RGL1: variants seen among roughly 807,000 people sequenced by gnomAD.
RGL1 encodes ral guanine nucleotide dissociation stimulator like 1, also known as ral guanine nucleotide dissociation stimulator-like 1.
RGL1 carries 24 observed loss-of-function variants against 95.2 expected under a neutral mutation model. That is an observed-to-expected ratio of 0.25 (90% CI 0.18 to 0.35). The LOEUF (loss-of-function observed/expected upper bound fraction) is 0.35, where lower values mean the gene tolerates loss of function less well. Among genes scored for constraint, RGL1 ranks in the 10% least tolerant of loss-of-function variants. The pLI, the probability that RGL1 is intolerant of heterozygous loss-of-function variation, is 1.00. For synonymous variants in RGL1, 329 were observed against 344.9 expected, an observed-to-expected ratio of 0.95 and a Z score of 0.51; for missense variants, 715 against 936.3, an observed-to-expected ratio of 0.76 and a Z score of 3.08.
chr1:183,808,499 T>C (rs1025640738), intron 2 of RGL1, among the ~76,000 whole-genome samples: 1 of 151,998 alleles, frequency 6.6e-6, no homozygotes, highest in South Asian at 2.1e-4. Flanking sequence ...AGGTGTCCTG[T>C]TGGGAAGTTC....
intron 2 of RGL1, among the ~76,000 whole-genome samples, chr1:183,821,027 G>T (rs1218195768): frequency 6.6e-6 from 1 of 152,092 alleles, no homozygotes; most frequent in African/African-American, 2.4e-5. Context: ...CAGCTACTCG[G>T]GAGGCTGAGG....
intron 1 of RGL1, among the ~76,000 whole-genome samples, chr1:183,726,247 A>G (rs766996571): frequency 4.6e-5 from 7 of 152,114 alleles, no homozygotes; most frequent in Non-Finnish European, 1.0e-4. Context: ...GAAATATAAG[A>G]GCAAATTAAA....
At chr1:183,905,513 A>T (rs1415904280) in intron 13 of RGL1, among the ~76,000 whole-genome samples, 1 of 152,246 alleles carries the variant, frequency 6.6e-6, no homozygotes, top group Non-Finnish European at 1.5e-5. Context: ...TGTAAAGGAG[A>T]AACAAGATTT....
At chr1:183,647,995 A>G in intron 1 of RGL1, 1 of 1,614,192 alleles carries the variant, frequency 6.2e-7, no homozygotes, top group Non-Finnish European at 8.5e-7. Context: ...GCATTGTTTA[A>G]GGGGTAGCTC....
At chr1:183,824,494 G>A (rs1662720549) in intron 2 of RGL1, among the ~76,000 whole-genome samples, 1 of 152,188 alleles carries the variant, frequency 6.6e-6, no homozygotes, top group Non-Finnish European at 1.5e-5. Flanking sequence ...GAGGAGTGAA[G>A]TAGTTCTGCT....
intron 14 of RGL1, among the ~76,000 whole-genome samples, chr1:183,909,602 C>T (rs1668531577): frequency 6.6e-6 from 1 of 152,032 alleles, no homozygotes; most frequent in Non-Finnish European, 1.5e-5. Context: ...AAAAGGAAGA[C>T]AGGGAAAATG....
At chr1:183,812,449 G>C (rs1661791909) in intron 2 of RGL1, among the ~76,000 whole-genome samples, 1 of 152,160 alleles carries the variant, frequency 6.6e-6, no homozygotes, top group South Asian at 2.1e-4. Flanking sequence ...ATTTGCATTT[G>C]AGCCTGCTAA....
intron 2 of RGL1, among the ~76,000 whole-genome samples, chr1:183,842,021 TATTGTGGTG>T (rs1407220872): frequency 6.6e-6 from 1 of 152,120 alleles, no homozygotes; most frequent in Admixed American, 6.6e-5. Context: ...CCTCAGCCTG[TATTGTGGTG>T]GTTTGTTGTT....
chr1:183,772,047 C>T (rs1659308367), intron 2 of RGL1, among the ~76,000 whole-genome samples: 1 of 152,210 alleles, frequency 6.6e-6, no homozygotes, highest in African/African-American at 2.4e-5. Flanking sequence ...CGCCCGCTGC[C>T]CAGCGGCCCA....
intron 2 of RGL1, among the ~76,000 whole-genome samples, chr1:183,810,296 A>G (rs1304518247): frequency 6.6e-6 from 1 of 152,186 alleles, no homozygotes. Flanking sequence ...TTTTTTTACA[A>G]GCAAGATTGT....
intron 2 of RGL1, among the ~76,000 whole-genome samples, chr1:183,826,005 A>AAATCAATC (rs60184863): frequency 0.13 from 18,411 of 146,328 alleles, 1,510 homozygotes; most frequent in Non-Finnish European, 0.18. Flanking sequence ...TCTATTTTTA[A>AAATCAATC]AATCAATCAA....
intron 1 of RGL1, among the ~76,000 whole-genome samples, chr1:183,721,393 T>C (rs1656006011): frequency 1.3e-5 from 2 of 152,244 alleles, no homozygotes; most frequent in African/African-American, 2.4e-5. Context: ...ATGCTCATTT[T>C]ACCCCTGCCT....
intron 1 of RGL1, among the ~76,000 whole-genome samples, chr1:183,706,324 G>A (rs958687684): frequency 2.6e-5 from 4 of 152,142 alleles, no homozygotes; most frequent in East Asian, 1.9e-4. Context: ...AGGACTGGGT[G>A]GGTCCTGAAA....
At chr1:183,922,198 C>T (rs1669343514) in intron 16 of RGL1, 24 bp from the exon 17 acceptor site, 1 of 1,597,372 alleles carries the variant, frequency 6.3e-7, no homozygotes, top group Non-Finnish European at 8.6e-7. Flanking sequence ...AAGTACTTTA[C>T]AAACCTGTTC....
upstream of RGL1, among the ~76,000 whole-genome samples, chr1:183,803,620 G>A (rs988760890): frequency 1.3e-5 from 2 of 152,316 alleles, no homozygotes; most frequent in Non-Finnish European, 1.5e-5. Context: ...TGAAGAAACT[G>A]CTTAATATCC....
At chr1:183,777,374 A>G (rs1238877384) in intron 2 of RGL1, among the ~76,000 whole-genome samples, 1 of 152,216 alleles carries the variant, frequency 6.6e-6, no homozygotes, top group Non-Finnish European at 1.5e-5. Flanking sequence ...AACAAAACCA[A>G]TGGCATGTGT....
intron 2 of RGL1, among the ~76,000 whole-genome samples, chr1:183,757,460 C>A (rs895534941): frequency 4.6e-5 from 7 of 152,128 alleles, no homozygotes; most frequent in Non-Finnish European, 1.0e-4. Flanking sequence ...CTTTATGATT[C>A]TGAATGAATT....
intron 2 of RGL1, among the ~76,000 whole-genome samples, chr1:183,744,495 A>G (rs1657501689): frequency 1.3e-5 from 2 of 152,150 alleles, no homozygotes. Flanking sequence ...GTGTATCCTT[A>G]AATTTTGCAC....
intron 1 of RGL1, among the ~76,000 whole-genome samples, chr1:183,673,198 C>T (rs936711578): frequency 6.6e-6 from 1 of 152,150 alleles, no homozygotes; most frequent in Non-Finnish European, 1.5e-5. Context: ...GATTGAGAAC[C>T]ATTGCTCTAG....
Sources: allele counts gnomAD v4.1 joint callset (sites outside exome capture counted in the v4.1 genomes callset), GRCh38; gene constraint gnomAD v4.1.1; transcripts MANE v1.5; gene names NCBI Gene and HGNC (gene_info 2026-07-23, HGNC 2026-07-21).